Variants in HCN1 observed in about 807,000 individuals in gnomAD.
HCN1 encodes hyperpolarization activated cyclic nucleotide gated potassium channel 1.
HCN1 carries 13 observed loss-of-function variants against 78.9 expected under a neutral mutation model. That is an observed-to-expected ratio of 0.16 (90% CI 0.11 to 0.26). The LOEUF is 0.26. HCN1 is among the 10% of genes least tolerant of loss of function. HCN1 has a pLI of 1.00. For synonymous variants in HCN1, 552 were observed against 455.5 expected (o/e 1.21, Z -2.70); for missense variants, 810 against 1,154.3 (o/e 0.70, Z 4.32).
At chr5:45,688,853 A>C (rs1174737471) in intron 1 of HCN1, among the ~76,000 whole-genome samples, 1 of 152,140 alleles carries the variant, frequency 6.6e-6, no homozygotes, top group Non-Finnish European at 1.5e-5. Context: ...CCTTGAAAAA[A>C]CATTATGCTA....
At chr5:45,494,018 G>C (rs1343954150) in intron 2 of HCN1, among the ~76,000 whole-genome samples, 2 of 152,184 alleles carry the variant, frequency 1.3e-5, no homozygotes, top group East Asian at 3.9e-4. Flanking sequence ...CATTTGGCTT[G>C]GTTCCAAGTC....
intron 4 of HCN1, among the ~76,000 whole-genome samples, chr5:45,376,528 A>T (rs1172565183): frequency 6.6e-6 from 1 of 151,000 alleles, no homozygotes; most frequent in Non-Finnish European, 1.5e-5. Context: ...AATGTTGCAT[A>T]AGCTAAACCA....
chr5:45,421,301 A>G (rs966340587), intron 3 of HCN1, among the ~76,000 whole-genome samples: 9 of 152,080 alleles, frequency 5.9e-5, no homozygotes, highest in African/African-American at 2.2e-4. Context: ...TGATCTCGTG[A>G]TCCACCCGCC....
At chr5:45,446,747 A>C (rs1486354187) in intron 3 of HCN1, among the ~76,000 whole-genome samples, 1 of 152,160 alleles carries the variant, frequency 6.6e-6, no homozygotes, top group Non-Finnish European at 1.5e-5. Context: ...ATTCTTAAAG[A>C]AAAGAATTTT....
intron 5 of HCN1, among the ~76,000 whole-genome samples, chr5:45,320,984 C>T (rs571278157): frequency 6.6e-6 from 1 of 151,826 alleles, no homozygotes; most frequent in South Asian, 2.1e-4. Context: ...CAAGGAACTG[C>T]AAGAAAAGAA....
intron 2 of HCN1, among the ~76,000 whole-genome samples, chr5:45,533,530 T>A (rs1018840855): frequency 7.2e-5 from 11 of 152,362 alleles, no homozygotes; most frequent in African/African-American, 2.6e-4. Flanking sequence ...GTCTCATATG[T>A]ACTGACTAGC....
chr5:45,515,984 T>G (rs1262561228), intron 2 of HCN1, among the ~76,000 whole-genome samples: 2 of 152,030 alleles, frequency 1.3e-5, no homozygotes, highest in African/African-American at 4.8e-5. Flanking sequence ...TATGTATACA[T>G]GCATGTCAAC....
At chr5:45,279,853 A>G (rs2111866215) in intron 6 of HCN1, among the ~76,000 whole-genome samples, 1 of 152,258 alleles carries the variant, frequency 6.6e-6, no homozygotes, top group African/African-American at 2.4e-5. Context: ...ATTTCTTAAA[A>G]TTATCAAATA....
chr5:45,464,009 T>C (rs545154818), intron 2 of HCN1, among the ~76,000 whole-genome samples: 1 of 152,182 alleles, frequency 6.6e-6, no homozygotes, highest in East Asian at 1.9e-4. Context: ...ATCATTCAAT[T>C]ATCAGGCTTT....
At chr5:45,417,727 C>T (rs1191314359) in intron 3 of HCN1, among the ~76,000 whole-genome samples, 1 of 126,912 alleles carries the variant, frequency 7.9e-6, no homozygotes, top group Non-Finnish European at 1.6e-5. Context: ...AAGAGCTACC[C>T]AGGGTCTCAT....
chr5:45,385,105 T>A (rs1747886119), intron 4 of HCN1, among the ~76,000 whole-genome samples: 1 of 152,170 alleles, frequency 6.6e-6, no homozygotes, highest in African/African-American at 2.4e-5. Flanking sequence ...TAACACTAGT[T>A]AGTCCTGTGC....
intron 3 of HCN1, among the ~76,000 whole-genome samples, chr5:45,418,316 A>G (rs1233088700): frequency 6.6e-6 from 1 of 151,244 alleles, no homozygotes. Context: ...TAAGGATAAG[A>G]TACGTTTTTC....
At chr5:45,682,776 G>T (rs1054708637) in intron 1 of HCN1, among the ~76,000 whole-genome samples, 1 of 151,832 alleles carries the variant, frequency 6.6e-6, no homozygotes, top group African/African-American at 2.4e-5. Flanking sequence ...GAAAAAAAAG[G>T]CAGAGATATG....
At chr5:45,310,601 G>C (rs936548331) in intron 5 of HCN1, among the ~76,000 whole-genome samples, 2 of 152,160 alleles carry the variant, frequency 1.3e-5, no homozygotes, top group Non-Finnish European at 2.9e-5. Flanking sequence ...GTGGAAGACA[G>C]TGTAGTGATT....
intron 1 of HCN1, among the ~76,000 whole-genome samples, chr5:45,656,101 A>T (rs776738129): frequency 1.3e-5 from 2 of 152,190 alleles, no homozygotes; most frequent in Non-Finnish European, 2.9e-5. Flanking sequence ...TGACTAAAAG[A>T]GAATTTAAGA....
intron 2 of HCN1, among the ~76,000 whole-genome samples, chr5:45,494,135 T>C (rs1264746183): frequency 1.8e-4 from 28 of 152,202 alleles, no homozygotes; most frequent in African/African-American, 6.3e-4. Flanking sequence ...ATGGCTGGGT[T>C]AAATGGTATT....
At chr5:45,477,865 A>G (rs949921377) in intron 2 of HCN1, among the ~76,000 whole-genome samples, 12 of 152,202 alleles carry the variant, frequency 7.9e-5, no homozygotes, top group Non-Finnish European at 5.9e-5. Flanking sequence ...ATGGTTTTTA[A>G]TGAGATACCA....
At chr5:45,544,302 A>T (rs1294722701) in intron 2 of HCN1, among the ~76,000 whole-genome samples, 2 of 152,102 alleles carry the variant, frequency 1.3e-5, no homozygotes, top group Non-Finnish European at 2.9e-5. Context: ...CTAGTAAATC[A>T]CAGAGAAATT....
rs570615310 is a variant in HCN1, at chr5:45,629,208, G to C, written c.849+15977C>G. ...ATCTACAATAAAAACTGATAGAACT[G>C]AAAGGGGAAATGGAGAAAGGCAAAA... is the stretch of plus-strand genomic sequence containing the variant. On this transcript the variant is annotated intron_variant, in intron 2 of 7. Coordinates refer to ENST00000303230, the MANE Select transcript of HCN1 (RefSeq NM_021072.4). 1.9e-4 allele frequency among the ~76,000 whole-genome samples: 29 copies of C among 152,002 alleles called. No homozygotes were observed. In the South Asian group the frequency reaches 6.0e-3, roughly 32 times the overall value.
Sources: gnomAD v4.1 joint callset for allele counts (sites outside exome capture counted in the v4.1 genomes callset) on GRCh38, gnomAD v4.1.1 for gene constraint, MANE v1.5 for transcripts, NCBI Gene and HGNC (gene_info 2026-07-23, HGNC 2026-07-21) for gene names.